MTHFS: variants seen among roughly 807,000 people sequenced by gnomAD.
MTHFS encodes the protein methenyltetrahydrofolate synthetase, also known as 5-formyltetrahydrofolate cyclo-ligase.
In MTHFS, 7 loss-of-function variants were observed where a neutral mutation model predicts 12.7. The ratio of observed to expected loss-of-function variants is 0.55; its 90% confidence interval spans 0.31 to 1.03. MTHFS has a LOEUF of 1.03. Ranked by LOEUF, MTHFS falls within the 50% of genes least tolerant of loss-of-function variation. The pLI, the probability that MTHFS is intolerant of heterozygous loss-of-function variation, is 0.05. For synonymous variants in MTHFS, 100 were observed against 97.1 expected (o/e 1.03, Z -0.18); for missense variants, 252 against 258.1 (o/e 0.98, Z 0.16).
chr15:79,863,436 G>C (rs1596068320), intron 2 of MTHFS, among the ~76,000 whole-genome samples: 1 of 152,152 alleles, frequency 6.6e-6, no homozygotes, highest in African/African-American at 2.4e-5. Flanking sequence ...CCTTCACAAC[G>C]TGGGCCTCCA....
chr15:79,897,110 C>T, upstream of MTHFS: 3 of 907,060 alleles, frequency 3.3e-6, no homozygotes, highest in Non-Finnish European at 4.5e-6. Flanking sequence ...CTCGGGGAAG[C>T]GCCCCCACCC....
upstream of MTHFS, chr15:79,897,018 C>A: frequency 2.0e-6 from 3 of 1,499,060 alleles, no homozygotes; most frequent in Non-Finnish European, 2.7e-6. Flanking sequence ...CAGTCCCGCC[C>A]TCGGCGCCCT....
intron 2 of MTHFS, among the ~76,000 whole-genome samples, chr15:79,864,417 C>T (rs915793790): frequency 2.0e-5 from 3 of 151,734 alleles, no homozygotes; most frequent in South Asian, 2.1e-4. Flanking sequence ...TGGTGGTACG[C>T]GCCCATAGTC....
At chr15:79,861,540 C>T (rs1370870350) in intron 2 of MTHFS, among the ~76,000 whole-genome samples, 1 of 152,180 alleles carries the variant, frequency 6.6e-6, no homozygotes, top group East Asian at 1.9e-4. Context: ...GTAAGCAATA[C>T]AGAAACACCT....
At chr15:79,861,313 A>G (rs184324507) in intron 2 of MTHFS, among the ~76,000 whole-genome samples, 17 of 152,138 alleles carry the variant, frequency 1.1e-4, no homozygotes, top group African/African-American at 4.1e-4. Flanking sequence ...CCCCCTCCAT[A>G]CACCTGTCTT....
intron 2 of MTHFS, among the ~76,000 whole-genome samples, chr15:79,881,686 C>T (rs528006342): frequency 8.5e-5 from 13 of 152,126 alleles, no homozygotes; most frequent in African/African-American, 2.9e-4. Context: ...CATACAGTTA[C>T]CAAGGGTACC....
chr15:79,864,177 C>A (rs1301141744), intron 2 of MTHFS, among the ~76,000 whole-genome samples: 4 of 152,176 alleles, frequency 2.6e-5, no homozygotes, highest in Non-Finnish European at 5.9e-5. Flanking sequence ...TGTAAGAGCA[C>A]TTAGCATAAG....
intron 2 of MTHFS, among the ~76,000 whole-genome samples, chr15:79,882,861 C>T (rs985463421): frequency 6.6e-6 from 1 of 152,204 alleles, no homozygotes; most frequent in Admixed American, 6.5e-5. Context: ...GTTATTCCCC[C>T]AGGCAGGCCC....
At chr15:79,858,816 A>G (rs1463828922) in intron 2 of MTHFS, among the ~76,000 whole-genome samples, 1 of 152,248 alleles carries the variant, frequency 6.6e-6, no homozygotes, top group Non-Finnish European at 1.5e-5. Flanking sequence ...ATTTTATTTT[A>G]TCAAACTTAA....
chr15:79,847,592 G>A (rs954560814), intron 2 of MTHFS, among the ~76,000 whole-genome samples: 9 of 151,200 alleles, frequency 6.0e-5, no homozygotes, highest in South Asian at 2.1e-4. Flanking sequence ...GCTGAGACAG[G>A]AGAATGGTGT....
chr15:79,884,316 T>C (rs958990302), intron 2 of MTHFS, among the ~76,000 whole-genome samples: 2 of 152,204 alleles, frequency 1.3e-5, no homozygotes, highest in African/African-American at 4.8e-5. Flanking sequence ...AGTATTAAGA[T>C]AGAGAGGGAG....
At chr15:79,874,937 C>A (rs1047593774) in intron 2 of MTHFS, among the ~76,000 whole-genome samples, 1 of 152,038 alleles carries the variant, frequency 6.6e-6, no homozygotes, top group Admixed American at 6.6e-5. Context: ...ATTGTTTAAA[C>A]ACACATGCTT....
rs1416264081 is a variant in MTHFS at position 79,844,782 on chromosome 15, A to C, written c.*428T>G. Among the ~76,000 whole-genome samples the C allele has an allele frequency of 6.6e-6, 1 of 152,246 alleles. No homozygotes were observed. Among genetic ancestry groups the C allele is most frequent in the African/African-American group, 2.4e-5 (1 of 41,462 alleles). On this transcript the variant is annotated 3_prime_UTR_variant, in exon 3 of 3. Coordinates refer to ENST00000258874, the MANE Select transcript of MTHFS (RefSeq NM_006441.4). Reference sequence around the variant, plus strand: ...AATTCTGTATCCAAAGCAAATACCAACAAATAAATTAATAGTCCCCAAGTC... The same window carrying C: ...AATTCTGTATCCAAAGCAAATACCACCAAATAAATTAATAGTCCCCAAGTC...
chr15:79,894,675 G>T (rs549288909), intron 1 of MTHFS, among the ~76,000 whole-genome samples: 1 of 152,098 alleles, frequency 6.6e-6, no homozygotes, highest in South Asian at 2.1e-4. Flanking sequence ...TTTTCCCCAT[G>T]CCCCTCCAAA....
chr15:79,892,873 C>T (rs2034497655), intron 1 of MTHFS, among the ~76,000 whole-genome samples: 1 of 152,120 alleles, frequency 6.6e-6, no homozygotes, highest in Non-Finnish European at 1.5e-5. Flanking sequence ...ATCGCTTGAA[C>T]CCGGGAGGCG....
intron 2 of MTHFS, among the ~76,000 whole-genome samples, chr15:79,853,754 A>T (rs961907547): frequency 2.0e-5 from 3 of 152,248 alleles, no homozygotes; most frequent in Non-Finnish European, 4.4e-5. Flanking sequence ...TAGGCAGAGC[A>T]GGAGCCGTGA....
chr15:79,880,143 C>T (rs577807083), intron 2 of MTHFS, among the ~76,000 whole-genome samples: 36 of 149,248 alleles, frequency 2.4e-4, no homozygotes, highest in African/African-American at 8.0e-4. Flanking sequence ...GATCTCAGCT[C>T]ACTGCAAGCT....
intron 1 of MTHFS, among the ~76,000 whole-genome samples, chr15:79,895,980 G>T (rs939147821): frequency 2.6e-5 from 4 of 152,180 alleles, no homozygotes; most frequent in African/African-American, 9.7e-5. Flanking sequence ...TAACAAAAAT[G>T]AGTCCCCAAA....
intron 2 of MTHFS, among the ~76,000 whole-genome samples, chr15:79,878,487 A>G (rs2034238760): frequency 6.7e-6 from 1 of 149,744 alleles, no homozygotes; most frequent in Admixed American, 6.7e-5. Flanking sequence ...GACCATTGCT[A>G]TGCAACTCAG....
Sources: allele counts gnomAD v4.1 joint callset (sites outside exome capture counted in the v4.1 genomes callset), GRCh38; gene constraint gnomAD v4.1.1; transcripts MANE v1.5; gene names NCBI Gene and HGNC (gene_info 2026-07-23, HGNC 2026-07-21).